DOK6: variants seen among roughly 807,000 people sequenced by gnomAD.
DOK6 encodes downstream of tyrosine kinase 6.
A neutral mutation model predicts 44.0 loss-of-function variants in DOK6; 22 were observed. The ratio of observed to expected loss-of-function variants is 0.50; its 90% CI spans 0.36 to 0.71. The LOEUF (loss-of-function observed/expected upper bound fraction) is 0.71, where lower values mean the gene tolerates loss of function less well. Ranked by LOEUF, DOK6 falls within the 30% of genes least tolerant of loss-of-function variation. DOK6 has a pLI of 0.00. For missense variants in DOK6, 340 were observed against 416.4 expected, an observed-to-expected ratio of 0.82 and a Z score of 1.60; for synonymous variants, 166 against 145.5, an observed-to-expected ratio of 1.14 and a Z score of -1.01.
intron 1 of DOK6, among the ~76,000 whole-genome samples, chr18:69,425,661 C>A (rs1978616948): frequency 6.6e-6 from 1 of 151,430 alleles, no homozygotes; most frequent in African/African-American, 2.4e-5. Context: ...TTTAAAATAA[C>A]CTTTAATCAG....
intron 1 of DOK6, among the ~76,000 whole-genome samples, chr18:69,531,548 A>G (rs887013272): frequency 7.2e-5 from 11 of 151,872 alleles, no homozygotes; most frequent in Admixed American, 7.2e-4. Context: ...GGACGTGAAC[A>G]GCCATTAAGA....
chr18:69,783,518 G>A (rs1160361913), intron 7 of DOK6, among the ~76,000 whole-genome samples: 1 of 152,180 alleles, frequency 6.6e-6, no homozygotes, highest in Non-Finnish European at 1.5e-5. Context: ...ACGTGCATTG[G>A]GCAGCATTGT....
intron 1 of DOK6, among the ~76,000 whole-genome samples, chr18:69,496,407 G>A (rs1382349204): frequency 6.6e-6 from 1 of 152,252 alleles, no homozygotes; most frequent in Non-Finnish European, 1.5e-5. Context: ...TATGGAGGGT[G>A]CAGCCCCAGC....
intron 1 of DOK6, among the ~76,000 whole-genome samples, chr18:69,431,111 G>T (rs1338821882): frequency 6.6e-6 from 1 of 152,174 alleles, no homozygotes; most frequent in Non-Finnish European, 1.5e-5. Flanking sequence ...GAAAATTTAG[G>T]AGTTCTCACC....
intron 3 of DOK6, among the ~76,000 whole-genome samples, chr18:69,651,914 G>T (rs73973519): frequency 0.021 from 3,170 of 148,228 alleles, 108 homozygotes; most frequent in African/African-American, 0.073. Flanking sequence ...GAATCCTTTC[G>T]ATACAAAATT....
intron 1 of DOK6, among the ~76,000 whole-genome samples, chr18:69,526,216 C>T (rs889816052): frequency 3.9e-5 from 6 of 152,012 alleles, no homozygotes; most frequent in South Asian, 2.1e-4. Context: ...AATCCCATAA[C>T]GATGAACAGT....
At chr18:69,489,049 G>A (rs1980663855) in intron 1 of DOK6, among the ~76,000 whole-genome samples, 1 of 152,142 alleles carries the variant, frequency 6.6e-6, no homozygotes, top group African/African-American at 2.4e-5. Flanking sequence ...CTACTAAATG[G>A]AAGATAGGTG....
At chr18:69,698,894 A>G (rs1419033036) in intron 5 of DOK6, among the ~76,000 whole-genome samples, 1 of 152,218 alleles carries the variant, frequency 6.6e-6, no homozygotes, top group African/African-American at 2.4e-5. Context: ...TTATTACAAT[A>G]CTATATTTTC....
At chr18:69,798,556 T>C (rs1417157232) in intron 7 of DOK6, among the ~76,000 whole-genome samples, 3 of 152,076 alleles carry the variant, frequency 2.0e-5, no homozygotes, top group Admixed American at 2.0e-4. Context: ...CTGTATTTAT[T>C]GTATAGCATT....
chr18:69,757,800 ATC>A lies in DOK6; in HGVS notation c.787_788del (p.Leu263SerfsTer17). Reference protein sequence around the residue: ...TEPMTLSKSISLPRSAYWHHI... With the variant: ...TEPMTLSKSIXLPRSAYWHHI... ...AACCAATGACATTATCCAAATCAAT[ATC>A]TCTTCCTCGCAGCGCGTACTGGCAT... is the stretch of plus-strand genomic sequence containing the variant. On this transcript the variant is annotated frameshift_variant, in exon 7 of 8. Transcript: ENST00000382713. LOFTEE classifies it high-confidence loss of function. The A allele has an allele frequency of 6.2e-7, 1 of 1,614,162 alleles. No homozygotes were observed. Among genetic ancestry groups the A allele is most frequent in the Non-Finnish European group, 8.5e-7 (1 of 1,179,980 alleles).
intron 6 of DOK6, among the ~76,000 whole-genome samples, chr18:69,749,663 G>T (rs565533790): frequency 5.3e-5 from 8 of 152,072 alleles, no homozygotes; most frequent in African/African-American, 9.7e-5. Context: ...TGAGTTGGCC[G>T]GGTGCAGTGG....
At chr18:69,652,939 C>T (rs534204010) in intron 3 of DOK6, among the ~76,000 whole-genome samples, 9 of 152,136 alleles carry the variant, frequency 5.9e-5, no homozygotes, top group Non-Finnish European at 7.3e-5. Flanking sequence ...TATTTTCAGA[C>T]CCATGTATAT....
At chr18:69,761,935 A>G (rs1008282557) in intron 7 of DOK6, among the ~76,000 whole-genome samples, 3 of 152,146 alleles carry the variant, frequency 2.0e-5, no homozygotes, top group Admixed American at 1.3e-4. Flanking sequence ...AAAGAATTCT[A>G]CTGAGGGGCA....
chr18:69,584,688 ACT>A lies in DOK6; in HGVS notation c.175-14695_175-14694del, dbSNP rs376563655. ...ACTATCTTAGAGAAGAGATTAATTC[ACT>A]GTCCCCTAAATGTTTGGTAAATTCA... is the stretch of plus-strand genomic sequence containing the variant. On this transcript the variant is annotated intron_variant, in intron 2 of 7. Coordinates refer to ENST00000382713, the MANE Select transcript of DOK6 (RefSeq NM_152721.6). Among the ~76,000 whole-genome samples, 92 of 152,024 alleles carry A rather than the reference ACT, an allele frequency of 6.1e-4. 1 individual carries two copies. In the South Asian group the frequency reaches 0.015, roughly 25 times the overall value.
chr18:69,520,844 T>G (rs981192182), intron 1 of DOK6, among the ~76,000 whole-genome samples: 1 of 151,914 alleles, frequency 6.6e-6, no homozygotes, highest in South Asian at 2.1e-4. Context: ...TTCAATTCAA[T>G]TCAATTCAGT....
At chr18:69,502,193 TATC>T (rs1207089661) in intron 1 of DOK6, among the ~76,000 whole-genome samples, 1 of 152,106 alleles carries the variant, frequency 6.6e-6, no homozygotes. Flanking sequence ...AGCATGATAA[TATC>T]ATTTATCATA....
At chr18:69,672,278 T>TTC (rs1295693551) in intron 3 of DOK6, among the ~76,000 whole-genome samples, 2 of 152,226 alleles carry the variant, frequency 1.3e-5, no homozygotes, top group African/African-American at 4.8e-5. Context: ...AAAAAGCTTG[T>TTC]TCCTGTAGGC....
chr18:69,717,257 A>G (rs1460673744), intron 5 of DOK6, among the ~76,000 whole-genome samples: 1 of 152,208 alleles, frequency 6.6e-6, no homozygotes, highest in Admixed American at 6.6e-5. Context: ...TTTTATGACA[A>G]AAGTTTTTGT....
chr18:69,804,185 T>C (rs1980986713), intron 7 of DOK6, among the ~76,000 whole-genome samples: 1 of 152,134 alleles, frequency 6.6e-6, no homozygotes, highest in Non-Finnish European at 1.5e-5. Context: ...ACTTGGTGAA[T>C]AAATATTTAG....
Sources: gnomAD v4.1 joint callset for allele counts (sites outside exome capture counted in the v4.1 genomes callset) on GRCh38, gnomAD v4.1.1 for gene constraint, MANE v1.5 for transcripts, NCBI Gene and HGNC (gene_info 2026-07-23, HGNC 2026-07-21) for gene names.